Variants in OSBPL6 observed in about 807,000 individuals in gnomAD.
The protein encoded by OSBPL6 is oxysterol binding protein like 6, also known as oxysterol-binding protein-related protein 6.
In OSBPL6, 49 loss-of-function variants were observed where a neutral mutation model predicts 125.8. The observed-to-expected ratio is 0.39, with a 90% CI of 0.31 to 0.49. The LOEUF (loss-of-function observed/expected upper bound fraction) is 0.49, where lower values mean the gene tolerates loss of function less well. Ranked by LOEUF, OSBPL6 falls within the 20% of genes least tolerant of loss-of-function variation. OSBPL6 has a pLI of 0.88. For missense variants in OSBPL6, 986 were observed against 1,135.4 expected (o/e 0.87, Z 1.89); for synonymous variants, 394 against 391.8 (o/e 1.01, Z -0.07).
At position 178,366,649 on chromosome 2, in the gene OSBPL6, C is replaced by T. The variant is rs114051762; in HGVS notation, c.1287+4834C>T. ...TGAAGCAAAAAAATTGCTTAACATA[C>T]TATATAGTAGCATAATGTAAAATCC... On this transcript the variant is annotated intron_variant, in intron 13 of 24. Coordinates refer to ENST00000190611, the MANE Select transcript of OSBPL6 (RefSeq NM_032523.4). Among the ~76,000 whole-genome samples the T allele has an allele frequency of 8.8e-3, 1,339 of 152,290 alleles. 16 individuals are homozygous for T. Among genetic ancestry groups the T allele is most frequent in the African/African-American group, 0.03 (1,265 of 41,548 alleles).
At chr2:178,248,355 A>T (rs2154000249) in intron 1 of OSBPL6, among the ~76,000 whole-genome samples, 1 of 152,322 alleles carries the variant, frequency 6.6e-6, no homozygotes, top group East Asian at 1.9e-4. Flanking sequence ...TTGGTTGTGG[A>T]TATGATGGTA....
At chr2:178,317,351 G>A (rs1454873704) in intron 3 of OSBPL6, among the ~76,000 whole-genome samples, 3 of 149,304 alleles carry the variant, frequency 2.0e-5, no homozygotes, top group African/African-American at 7.4e-5. Flanking sequence ...TGAGGCATGA[G>A]GTGGGTCACC....
chr2:178,270,440 G>A (rs548479158), intron 1 of OSBPL6, among the ~76,000 whole-genome samples: 1 of 152,278 alleles, frequency 6.6e-6, no homozygotes, highest in East Asian at 1.9e-4. Context: ...TCTCTTAGTA[G>A]CCACATTTCA....
chr2:178,259,027 A>G (rs573412188), intron 1 of OSBPL6, among the ~76,000 whole-genome samples: 1 of 152,344 alleles, frequency 6.6e-6, no homozygotes, highest in East Asian at 1.9e-4. Context: ...GAGCTCACAT[A>G]GAGAGATGAA....
intron 1 of OSBPL6, among the ~76,000 whole-genome samples, chr2:178,228,799 T>C (rs1323075538): frequency 6.6e-6 from 1 of 152,212 alleles, no homozygotes; most frequent in Non-Finnish European, 1.5e-5. Flanking sequence ...TCATCAGAAA[T>C]ACTTGATCTA....
intron 18 of OSBPL6, among the ~76,000 whole-genome samples, chr2:178,385,240 AAAGG>A (rs1003628535): frequency 2.6e-5 from 4 of 152,150 alleles, no homozygotes; most frequent in African/African-American, 4.8e-5. Flanking sequence ...ATAATTAAAG[AAAGG>A]AAGGAAGGAA....
At chr2:178,275,737 G>GA (rs35274125) in intron 1 of OSBPL6, among the ~76,000 whole-genome samples, 51,142 of 148,442 alleles carry the variant, frequency 0.34, 8,839 homozygotes, top group African/African-American at 0.37. Flanking sequence ...AAAAAAGAGG[G>GA]AAAAAAAAAA....
At chr2:178,211,654 C>T (rs1028809116) in intron 1 of OSBPL6, among the ~76,000 whole-genome samples, 1 of 152,160 alleles carries the variant, frequency 6.6e-6, no homozygotes, top group Non-Finnish European at 1.5e-5. Context: ...CATTCTGAAG[C>T]ACTCACTACA....
At chr2:178,363,424 T>C (rs1692533718) in intron 13 of OSBPL6, among the ~76,000 whole-genome samples, 1 of 152,192 alleles carries the variant, frequency 6.6e-6, no homozygotes. Context: ...CCTGGCCATG[T>C]TCCCAGCAAG....
chr2:178,383,199 G>A lies in OSBPL6; in HGVS notation c.1797G>A (p.Leu599=). The A allele has an allele frequency of 6.2e-7, 1 of 1,614,176 alleles. No homozygotes were observed. Among genetic ancestry groups the A allele is most frequent in the Non-Finnish European group, 8.5e-7 (1 of 1,180,030 alleles). The change falls in exon 17 of 25, where the codon CTG becomes CTA. Residue 599 remains leucine, a synonymous_variant. Transcript: ENST00000190611. The part of the protein sequence containing the change: ...PVELNEPLNT[L]QHLCEEMEYS... ...AGCTAAACGAGCCGCTCAACACCCT[G>A]CAGCACCTCTGTGAGGAAATGGAAT... is the stretch of plus-strand genomic sequence containing the variant.
At chr2:178,217,966 A>T (rs334028) in intron 1 of OSBPL6, among the ~76,000 whole-genome samples, 90,336 of 152,134 alleles carry the variant, frequency 0.59, 29,586 homozygotes, top group African/African-American at 0.89. Flanking sequence ...GCCCAAGTAA[A>T]TTCTTCCTAA....
rs375125517 is a variant in OSBPL6 at position 178,250,093 on chromosome 2, G to C, written c.-350-34834G>C. On this transcript the variant is annotated intron_variant, in intron 1 of 24. Transcript: ENST00000190611. The stretch of plus-strand genomic sequence containing the variant: ...CCACTTCACAGATGATGGAAACAGT[G>C]GCACAGATGCTAACACAGAAGTTAG... Among the ~76,000 whole-genome samples, 17 of 152,264 alleles carry C rather than the reference G, an allele frequency of 1.1e-4. No homozygotes were observed. The East Asian group carries it at 2.5e-3, about 22-fold the overall frequency.
chr2:178,295,806 TAATG>T (rs1234305861), intron 2 of OSBPL6, among the ~76,000 whole-genome samples: 3 of 151,980 alleles, frequency 2.0e-5, no homozygotes, highest in African/African-American at 7.2e-5. Context: ...AATAAAAAAT[TAATG>T]GAGGTACTGT....
At chr2:178,371,734 A>G (rs1693406095) in intron 13 of OSBPL6, among the ~76,000 whole-genome samples, 1 of 152,216 alleles carries the variant, frequency 6.6e-6, no homozygotes, top group African/African-American at 2.4e-5. Flanking sequence ...CAAACTTTAG[A>G]AACTAGAACA....
chr2:178,368,776 A>G (rs1407315008), intron 13 of OSBPL6, among the ~76,000 whole-genome samples: 1 of 149,420 alleles, frequency 6.7e-6, no homozygotes, highest in Non-Finnish European at 1.5e-5. Flanking sequence ...AAATACTTCT[A>G]TTTTTCTTCA....
At position 178,382,822 on chromosome 2, in the gene OSBPL6, G is replaced by A. The variant is rs958752730; in HGVS notation, c.1622-202G>A. On this transcript the variant is annotated intron_variant, in intron 16 of 24. Transcript: ENST00000190611. ...TGAATGATATTTGAGTGTATCTAATGCCTTATTTATAAAACTATACACTGT... is the reference window on the plus strand; with the variant it reads ...TGAATGATATTTGAGTGTATCTAATACCTTATTTATAAAACTATACACTGT... 6.5e-6 allele frequency: 9 copies of A among 1,395,298 alleles called. No homozygotes were observed. In the African/African-American group the frequency reaches 1.3e-4, roughly 20 times the overall value. The allele number at this position is 1,395,298 out of a possible 1,614,324, so 86.4% of individuals were successfully genotyped here.
intron 3 of OSBPL6, among the ~76,000 whole-genome samples, chr2:178,315,773 C>T (rs1687677296): frequency 1.3e-5 from 2 of 152,104 alleles, no homozygotes; most frequent in African/African-American, 4.8e-5. Flanking sequence ...TTAATGAAGC[C>T]CAGAGGGTCT....
intron 12 of OSBPL6, among the ~76,000 whole-genome samples, chr2:178,354,950 C>T (rs1358730175): frequency 6.6e-6 from 1 of 152,224 alleles, no homozygotes; most frequent in African/African-American, 2.4e-5. Context: ...AACCGCACAA[C>T]TACATGGAAA....
intron 1 of OSBPL6, among the ~76,000 whole-genome samples, chr2:178,279,383 G>C (rs1683899882): frequency 6.6e-6 from 1 of 152,186 alleles, no homozygotes; most frequent in Non-Finnish European, 1.5e-5. Flanking sequence ...TTTGCTTCCT[G>C]AATGAGCCAT....
Sources: allele counts gnomAD v4.1 joint callset (sites outside exome capture counted in the v4.1 genomes callset), GRCh38; gene constraint gnomAD v4.1.1; transcripts MANE v1.5; gene names NCBI Gene and HGNC (gene_info 2026-07-23, HGNC 2026-07-21).